Variants in XPO1 observed in about 807,000 individuals in gnomAD.
XPO1 encodes exportin 1.
A neutral mutation model predicts 133.3 loss-of-function variants in XPO1; 5 were observed. The ratio of observed to expected loss-of-function variants is 0.04; its 90% confidence interval spans 0.02 to 0.08. The LOEUF (loss-of-function observed/expected upper bound fraction) is 0.08, where lower values mean the gene tolerates loss of function less well. Ranked by LOEUF, XPO1 falls within the 10% of genes least tolerant of loss-of-function variation. The pLI, the probability that XPO1 is intolerant of heterozygous loss-of-function variation, is 1.00. For missense variants in XPO1, 506 were observed against 1,267.5 expected (o/e 0.40, Z 9.12); for synonymous variants, 419 against 408.2 (o/e 1.03, Z -0.32).
In XPO1 at chr2:61,483,066, T is replaced by C. The variant is rs1696479265; in HGVS notation, c.2703A>G (p.Leu901=). Residue 901 remains leucine, a synonymous_variant, in exon 22 of 25, where the codon TTA becomes TTG. Coordinates refer to ENST00000401558, the MANE Select transcript of XPO1 (RefSeq NM_003400.4). ...CAGCTTCTTCTTGTGCAACATTTTGTAAGAGTGTAAAAAGTATCTGTAAGC... is the reference window on the plus strand; with the variant it reads ...CAGCTTCTTCTTGTGCAACATTTTGCAAGAGTGTAAAAAGTATCTGTAAGC... ...DTGLQILFTL[L]QNVAQEEAAA... 1 of 1,613,060 alleles carries C rather than the reference T, an allele frequency of 6.2e-7. No individual in the cohort carries two copies. The highest frequency in any genetic ancestry group is 1.3e-5 in the African/African-American group (1 of 74,872).
intron 4 of XPO1, among the ~76,000 whole-genome samples, chr2:61,518,410 AAAACAAAACACACACACACACAC>A (rs774208669): frequency 0.13 from 18,198 of 144,810 alleles, 1,426 homozygotes; most frequent in African/African-American, 0.15. Flanking sequence ...CAAAAAACAA[AAAACAAAACACACACACACACAC>A]ACACACACAC....
intron 23 of XPO1, among the ~76,000 whole-genome samples, chr2:61,481,495 G>A (rs1696354726): frequency 1.3e-5 from 2 of 151,022 alleles, no homozygotes; most frequent in Admixed American, 1.3e-4. Context: ...AGTTTTGCTC[G>A]TTTACCAGGT....
Position 61,478,682 on chromosome 2 carries a change from CAAA to C in XPO1, c.*135_*137del, listed in dbSNP as rs1402927044. 1 of 828,526 alleles carries C rather than the reference CAAA, an allele frequency of 1.2e-6. No individual in the cohort carries two copies. The highest frequency in any genetic ancestry group is 1.8e-5 in the African/African-American group (1 of 57,108). 51.3% of individuals were successfully genotyped at this position (828,526 alleles called of 1,614,324 possible). A position where few individuals can be genotyped will look rare whatever the true frequency, so the allele number is the denominator to read the frequency against. On this transcript the variant is annotated 3_prime_UTR_variant, in exon 25 of 25. Coordinates refer to ENST00000401558, the MANE Select transcript of XPO1 (RefSeq NM_003400.4). Reference sequence around the variant, plus strand: ...GATATTTCACAGAAAATTTCTTATACAAAAAAACACATAAGAAAAAGGGCCACT... The same window carrying C: ...GATATTTCACAGAAAATTTCTTATACAAAACACATAAGAAAAAGGGCCACT...
intron 23 of XPO1, among the ~76,000 whole-genome samples, chr2:61,481,698 G>A (rs1480577978): frequency 6.6e-6 from 1 of 151,832 alleles, no homozygotes; most frequent in Non-Finnish European, 1.5e-5. Context: ...GCCCGCCTAG[G>A]CCTCCCAAAG....
rs1696160321 is a variant in XPO1, at chr2:61,478,319, G to A, written c.*501C>T. ...TTGCCAAAGAGACTTTGTAATACAT[G>A]TAGTCTAGACAAACGATTCAGTCCA... On this transcript the variant is annotated 3_prime_UTR_variant, in exon 25 of 25. Transcript: ENST00000401558. 1 of 234,072 alleles carries A rather than the reference G, an allele frequency of 4.3e-6. No homozygotes were observed. The highest frequency in any genetic ancestry group is 2.2e-5 in the African/African-American group (1 of 45,334). 14.5% of individuals were successfully genotyped at this position (234,072 alleles called of 1,614,324 possible). A position where few individuals can be genotyped will look rare whatever the true frequency, so the allele number is the denominator to read the frequency against.
chr2:61,525,287 T>C, intron 3 of XPO1: 1 of 985,830 alleles, frequency 1.0e-6, no homozygotes, highest in Non-Finnish European at 1.2e-6. Flanking sequence ...AGGCCTGCCG[T>C]CAAAGCCTAG....
At chr2:61,483,151 T>C in intron 21 of XPO1, 60 bp from the exon 22 acceptor site, 1 of 1,534,470 alleles carries the variant, frequency 6.5e-7, no homozygotes, top group Admixed American at 2.1e-5. Context: ...CATGATAGTA[T>C]TTAGCTCTTA....
In XPO1 at chr2:61,492,307, G is replaced by A. The variant is rs2104429574; in HGVS notation, c.1723+18C>T. 1 of 1,582,920 alleles carries A rather than the reference G, an allele frequency of 6.3e-7. No homozygotes were observed. Among genetic ancestry groups the A allele is most frequent in the Non-Finnish European group, 8.5e-7 (1 of 1,171,162 alleles). Reference sequence around the variant, plus strand: ...TCAATAAAAATAAAAGCAAAATATAGTAAAGAAAGAGATTTACCATGCATG... The same window carrying A: ...TCAATAAAAATAAAAGCAAAATATAATAAAGAAAGAGATTTACCATGCATG... On this transcript the variant is annotated intron_variant, in intron 15 of 24. Transcript: ENST00000401558. This position sits in a 1 kb window ranked among gnomAD's most constrained non-coding sequence, Gnocchi z 5.6.
intron 22 of XPO1, 73 bp from the exon 23 acceptor site, chr2:61,482,612 GTTT>G (rs11360652): frequency 2.6e-5 from 27 of 1,023,510 alleles, no homozygotes; most frequent in Non-Finnish European, 2.9e-5. Flanking sequence ...TTTTTGTTTT[GTTT>G]TTTTTTTTTA....
chr2:61,536,169 T>G (rs964675626), intron 1 of XPO1: 10 of 152,366 alleles, frequency 6.6e-5, no homozygotes, highest in East Asian at 5.8e-4. Flanking sequence ...TTTGCCATCC[T>G]TAGAACTAGC....
rs1696938398 is a variant in XPO1, at chr2:61,490,719, C to T, written c.1945G>A (p.Val649Ile). The T allele has an allele frequency of 1.2e-6, 2 of 1,614,052 alleles. No individual in the cohort carries two copies. Among genetic ancestry groups the T allele is most frequent in the Admixed American group, 1.7e-5 (1 of 59,982 alleles). The part of the protein sequence containing the change: ...YMIGAQTDQT[V>I]QEHLIEKYML... ...TACTTTTCTATCAAGTGTTCTTGTA[C>T]TGTTTGATCTGTTTGTGCACCAATC... Residue 649 changes from valine to isoleucine, a missense_variant, in exon 17 of 25, where the codon GTA (valine) becomes ATA (isoleucine). Transcript: ENST00000401558.
chr2:61,497,008 C>CTATT lies in XPO1; in HGVS notation c.760-5_760-2dup. 1 of 1,608,608 alleles carries CTATT rather than the reference C, an allele frequency of 6.2e-7. No individual in the cohort carries two copies. Among genetic ancestry groups the CTATT allele is most frequent in the Non-Finnish European group, 8.5e-7 (1 of 1,178,584 alleles). On this transcript the variant is annotated splice_acceptor_variant, in intron 9 of 24. Coordinates refer to ENST00000401558, the MANE Select transcript of XPO1 (RefSeq NM_003400.4). LOFTEE classifies it high-confidence loss of function. ...TTCGAAACATTGGAACATTCAGGAA[C>CTATT]TATTTAAAAGGGGGGAGGGAACCAT...
At position 61,534,011 on chromosome 2, in the gene XPO1, ATACTT is replaced by A. The variant is rs1193160861; in HGVS notation, c.-6-113_-6-109del. On this transcript the variant is annotated intron_variant, in intron 1 of 24. Coordinates refer to ENST00000401558, the MANE Select transcript of XPO1 (RefSeq NM_003400.4). ...CATGTTATTACAAATATTTTAATGA[ATACTT>A]TAGAGACTTTAATTACAGAAAACTG... 5.1e-5 allele frequency: 58 copies of A among 1,128,516 alleles called. No homozygotes were observed. In the Admixed American group the frequency reaches 1.2e-3, roughly 24 times the overall value. 69.9% of individuals were successfully genotyped at this position (1,128,516 alleles called of 1,614,324 possible).
chr2:61,516,319 CA>C (rs1459401498), intron 4 of XPO1, among the ~76,000 whole-genome samples: 1 of 148,416 alleles, frequency 6.7e-6, no homozygotes, highest in East Asian at 1.9e-4. Flanking sequence ...AAAACCAAAC[CA>C]AACAAAAAAA....
chr2:61,491,332 G>C (rs1304664303), intron 16 of XPO1, among the ~76,000 whole-genome samples: 1 of 149,036 alleles, frequency 6.7e-6, no homozygotes, highest in East Asian at 2.0e-4. Context: ...GTGGTGGCAA[G>C]CACCTGTTAA....
At chr2:61,497,073 C>A (rs1348715194) in intron 9 of XPO1, 66 bp from the exon 10 acceptor site, 20 of 1,536,266 alleles carry the variant, frequency 1.3e-5, no homozygotes, top group Non-Finnish European at 1.7e-5. Context: ...TTAAAATTCA[C>A]AATTAAAAGG....
intron 18 of XPO1, 43 bp downstream of exon 18, chr2:61,488,545 G>A: frequency 1.3e-6 from 2 of 1,557,656 alleles, no homozygotes; most frequent in South Asian, 2.3e-5. Context: ...GAAGAGAAGT[G>A]GTTTGTTTAT....
chr2:61,529,450 G>A (rs1032722177), intron 2 of XPO1, among the ~76,000 whole-genome samples: 7 of 152,284 alleles, frequency 4.6e-5, no homozygotes, highest in Middle Eastern at 3.4e-3. Context: ...GAGGTCAGAA[G>A]TTCAAGACCA....
rs1491506588 is a variant in XPO1, at chr2:61,482,033, C to CTTTTTTTTTTTTTTTTTTTT, written c.2972+346_2972+347insAAAAAAAAAAAAAAAAAAAA. ...TACAGTCATGAGCCACCGTGCGTGG[C>CTTTTTTTTTTTTTTTTTTTT]CTTTTTTTTTTTTTTTTTTTTTTTG... On this transcript the variant is annotated intron_variant, in intron 23 of 24. Transcript: ENST00000401558. 8.1e-4 allele frequency among the ~76,000 whole-genome samples: 70 copies of CTTTTTTTTTTTTTTTTTTTT among 86,822 alleles called. 16 individuals carry two copies. Among genetic ancestry groups the CTTTTTTTTTTTTTTTTTTTT allele is most frequent in the Non-Finnish European group, 1.0e-3 (42 of 40,036 alleles). The allele number at this position is 86,822 out of a possible 152,430, so 57.0% of individuals were successfully genotyped here.
Sources: gnomAD v4.1 joint callset for allele counts (sites outside exome capture counted in the v4.1 genomes callset) on GRCh38, gnomAD v4.1.1 for gene constraint, Gnocchi (gnomAD v3.1) non-coding constraint, MANE v1.5 for transcripts, NCBI Gene and HGNC (gene_info 2026-07-23, HGNC 2026-07-21) for gene names.